DCP2: variants seen among roughly 807,000 people sequenced by gnomAD.
DCP2 encodes the protein decapping mRNA 2.
Under a neutral mutation model 56.1 loss-of-function variants are expected in DCP2, and 30 were observed. That is an observed-to-expected ratio of 0.53 (90% CI 0.40 to 0.73). The LOEUF (loss-of-function observed/expected upper bound fraction) is 0.73. Among genes scored for constraint, DCP2 ranks in the 30% least tolerant of loss-of-function variants. The probability of loss-of-function intolerance (pLI) is 0.00; values close to 1 mark genes in which losing one functional copy is unlikely to be tolerated. For synonymous variants in DCP2, 197 were observed against 163.3 expected (o/e 1.21, Z -1.57); for missense variants, 533 against 502.7 (o/e 1.06, Z -0.58).
intron 4 of DCP2, among the ~76,000 whole-genome samples, chr5:112,998,794 G>A (rs772511612): frequency 1.3e-5 from 2 of 152,216 alleles, no homozygotes; most frequent in Non-Finnish European, 2.9e-5. Context: ...AATTGCAAAC[G>A]TAATGCCCCT....
chr5:113,005,150 G>GT (rs1554101194), intron 8 of DCP2, among the ~76,000 whole-genome samples: 3,591 of 83,506 alleles, frequency 0.043, 115 homozygotes, highest in African/African-American at 0.11. Context: ...GTGTGCGTGT[G>GT]GGTGTGTGTG....
At chr5:112,999,393 T>C (rs554998209) in intron 4 of DCP2, among the ~76,000 whole-genome samples, 1 of 152,186 alleles carries the variant, frequency 6.6e-6, no homozygotes, top group African/African-American at 2.4e-5. Flanking sequence ...AATAGCATGA[T>C]CTCGGCTCAC....
At chr5:112,992,922 T>C (rs907582332) in intron 4 of DCP2, 152 bp downstream of exon 4, 1 of 450,922 alleles carries the variant, frequency 2.2e-6, no homozygotes, top group South Asian at 5.9e-5. Flanking sequence ...TTTAAATCAC[T>C]GTTGATTGTT....
intron 1 of DCP2, among the ~76,000 whole-genome samples, chr5:112,982,011 G>T (rs913792993): frequency 6.6e-6 from 1 of 152,008 alleles, no homozygotes; most frequent in East Asian, 1.9e-4. Flanking sequence ...CAGGTGATCC[G>T]CCTGCCATGG....
In DCP2 at chr5:113,015,391, T is replaced by C. The variant is rs1749845423; in HGVS notation, c.*1907T>C. 1.3e-5 allele frequency: 2 copies of C among 152,480 alleles called. No individual in the cohort carries two copies. The highest frequency in any genetic ancestry group is 6.6e-5 in the Admixed American group (1 of 15,254). 9.4% of individuals were successfully genotyped at this position (152,480 alleles called of 1,614,324 possible). On this transcript the variant is annotated 3_prime_UTR_variant, in exon 11 of 11. Coordinates refer to ENST00000389063, the MANE Select transcript of DCP2 (RefSeq NM_152624.6). ...TTTTTTTCTTTTTAAGTGCATACTT[T>C]GGCCAGTCTTCCTGGTGCCTGTAGA... is the stretch of plus-strand genomic sequence containing the variant.
intron 4 of DCP2, among the ~76,000 whole-genome samples, chr5:112,999,476 G>A (rs112300815): frequency 0.019 from 2,857 of 151,886 alleles, 105 homozygotes; most frequent in African/African-American, 0.066. Context: ...TTACAGGCAT[G>A]CGCCACCCCG....
intron 4 of DCP2, among the ~76,000 whole-genome samples, chr5:112,997,661 G>C (rs1477180892): frequency 6.7e-6 from 1 of 150,096 alleles, no homozygotes; most frequent in Non-Finnish European, 1.5e-5. Context: ...CCAGGCTGGA[G>C]TGCAGTGGTG....
chr5:113,001,081 C>A lies in DCP2; in HGVS notation c.433-3C>A. 1 of 1,589,600 alleles carries A rather than the reference C, an allele frequency of 6.3e-7. No homozygotes were observed. Among genetic ancestry groups the A allele is most frequent in the Non-Finnish European group, 8.5e-7 (1 of 1,169,688 alleles). ...AAATTTCATCCAAATTTGTTGTTTC[C>A]AGGTCTTTGAAGAAACTGGTTTTGA... On this transcript the variant is annotated splice_region_variant and splice_polypyrimidine_tract_variant and intron_variant, in intron 4 of 10. Transcript: ENST00000389063.
In DCP2 at chr5:113,014,776, A is replaced by G. The variant is rs779053343; in HGVS notation, c.*1292A>G. ...TGAGTATATGTGTGTGTGTGTAACT[A>G]TCATGTGGGTTTTAAAAATCCTTTT... On this transcript the variant is annotated 3_prime_UTR_variant, in exon 11 of 11. Coordinates refer to ENST00000389063, the MANE Select transcript of DCP2 (RefSeq NM_152624.6). 6.6e-6 allele frequency: 1 copy of G among 152,574 alleles called. No individual in the cohort carries two copies. The highest frequency in any genetic ancestry group is 2.4e-5 in the African/African-American group (1 of 41,420). The allele number at this position is 152,574 out of a possible 1,614,324, so 9.5% of individuals were successfully genotyped here.
intron 2 of DCP2, among the ~76,000 whole-genome samples, chr5:112,986,242 T>C (rs1748280932): frequency 6.6e-6 from 1 of 152,186 alleles, no homozygotes; most frequent in Non-Finnish European, 1.5e-5. Flanking sequence ...TTCCCATGCA[T>C]AGCTAGCCTG....
In DCP2 at chr5:113,002,597, C is replaced by T. The variant is rs1459695384; in HGVS notation, c.806+923C>T. 3.3e-5 allele frequency among the ~76,000 whole-genome samples: 5 copies of T among 152,104 alleles called. No homozygotes were observed. In the South Asian group the frequency reaches 6.2e-4, roughly 19 times the overall value. On this transcript the variant is annotated intron_variant, in intron 7 of 10. Coordinates refer to ENST00000389063, the MANE Select transcript of DCP2 (RefSeq NM_152624.6). ...AGTACGTGGCATGATCACAGCTCACCGCAGCCTTGACCTCCTGGACTCAAG... is the reference window on the plus strand; with the variant it reads ...AGTACGTGGCATGATCACAGCTCACTGCAGCCTTGACCTCCTGGACTCAAG...
In DCP2 at chr5:113,003,856, G is replaced by A. The variant is rs1410827917; in HGVS notation, c.807-86G>A. 4 of 1,418,424 alleles carry A rather than the reference G, an allele frequency of 2.8e-6. No homozygotes were observed. In the Admixed American group the frequency reaches 5.7e-5, roughly 20 times the overall value. The allele number at this position is 1,418,424 out of a possible 1,614,324, so 87.9% of individuals were successfully genotyped here. On this transcript the variant is annotated intron_variant, in intron 7 of 10. Coordinates refer to ENST00000389063, the MANE Select transcript of DCP2 (RefSeq NM_152624.6). The stretch of plus-strand genomic sequence containing the variant: ...AGATAGACAGTAAATAAGAAAATAT[G>A]TAGTCTATAAATTTAACTATTAAGG...
At chr5:113,011,323 A>G (rs1749674293) in intron 10 of DCP2, among the ~76,000 whole-genome samples, 1 of 152,234 alleles carries the variant, frequency 6.6e-6, no homozygotes, top group Non-Finnish European at 1.5e-5. Flanking sequence ...TATGAGTTTT[A>G]TTAAAGATAC....
At chr5:112,980,276 ATAG>A (rs1747939069) in intron 1 of DCP2, among the ~76,000 whole-genome samples, 1 of 152,246 alleles carries the variant, frequency 6.6e-6, no homozygotes. Context: ...AGAGTTGGGT[ATAG>A]TAAGGCCACA....
In DCP2 at chr5:113,020,780, C is replaced by CT. The variant is rs1319219071; in HGVS notation, c.*7297dup. The stretch of plus-strand genomic sequence containing the variant: ...AATCCTATGTCTTAACAGTTATGCT[C>CT]TAACTTTTTGAAAGCTTTTTGATGT... On this transcript the variant is annotated 3_prime_UTR_variant, in exon 11 of 11. Transcript: ENST00000389063. 1 of 152,178 alleles carries CT rather than the reference C, an allele frequency of 6.6e-6. No individual in the cohort carries two copies. The highest frequency in any genetic ancestry group is 2.4e-5 in the African/African-American group (1 of 41,436). The allele number at this position is 152,178 out of a possible 1,614,324, so 9.4% of individuals were successfully genotyped here. A position where few individuals can be genotyped will look rare whatever the true frequency, so the allele number is the denominator to read the frequency against.
intron 8 of DCP2, 73 bp downstream of exon 8, chr5:113,004,150 A>C: frequency 6.6e-7 from 1 of 1,523,550 alleles, no homozygotes; most frequent in Non-Finnish European, 8.9e-7. Flanking sequence ...CAATTGGAGA[A>C]TTACATCTTA....
intron 4 of DCP2, among the ~76,000 whole-genome samples, chr5:113,000,797 A>T (rs1013139361): frequency 6.6e-6 from 1 of 152,212 alleles, no homozygotes; most frequent in African/African-American, 2.4e-5. Flanking sequence ...TCAGAATTTT[A>T]TTCTGGGAAA....
chr5:113,003,873 C>G, intron 7 of DCP2, 69 bp from the exon 8 acceptor site: 5 of 1,518,118 alleles, frequency 3.3e-6, no homozygotes, highest in Non-Finnish European at 4.5e-6. Flanking sequence ...ATAAATTTAA[C>G]TATTAAGGTG....
intron 8 of DCP2, among the ~76,000 whole-genome samples, chr5:113,005,412 G>C (rs1749378511): frequency 6.6e-6 from 1 of 152,118 alleles, no homozygotes; most frequent in African/African-American, 2.4e-5. Flanking sequence ...TTAATCATTA[G>C]GGAACATTGT....
Sources: allele counts gnomAD v4.1 joint callset (sites outside exome capture counted in the v4.1 genomes callset), GRCh38; gene constraint gnomAD v4.1.1; transcripts MANE v1.5; gene names NCBI Gene and HGNC (gene_info 2026-07-23, HGNC 2026-07-21).